SLC16A10: variants seen among roughly 807,000 people sequenced by gnomAD.
SLC16A10 encodes solute carrier family 16 member 10.
Under a neutral mutation model 40.0 loss-of-function variants are expected in SLC16A10, and 27 were observed. The ratio of observed to expected loss-of-function variants is 0.67; its 90% CI spans 0.50 to 0.93. SLC16A10 has a LOEUF of 0.93. SLC16A10 is among the 40% of genes least tolerant of loss of function. SLC16A10 has a pLI of 0.00. For synonymous variants in SLC16A10, 213 were observed against 249.8 expected, an observed-to-expected ratio of 0.85 and a Z score of 1.39; for missense variants, 529 against 658.2, an observed-to-expected ratio of 0.80 and a Z score of 2.15.
chr6:111,206,681 G>A lies in SLC16A10; in HGVS notation c.1032G>A (p.Leu344=). The A allele has an allele frequency of 1.2e-6, 2 of 1,614,208 alleles. No individual in the cohort carries two copies. Among genetic ancestry groups the A allele is most frequent in the South Asian group, 2.2e-5 (2 of 91,076 alleles). The change falls in exon 4 of 6, where the codon CTG becomes CTA. Residue 344 remains leucine (L), a synonymous_variant. Coordinates refer to ENST00000368851, the MANE Select transcript of SLC16A10 (RefSeq NM_018593.5). ...CIGVTSGVGR[L]LFGRIADYVP... ...GCGTCACTTCAGGAGTTGGACGACTGCTCTTTGGCCGGATTGCAGATTATG... is the reference window on the plus strand; with the variant it reads ...GCGTCACTTCAGGAGTTGGACGACTACTCTTTGGCCGGATTGCAGATTATG...
At chr6:111,182,695 T>C (rs943017491) in intron 3 of SLC16A10, among the ~76,000 whole-genome samples, 1 of 152,190 alleles carries the variant, frequency 6.6e-6, no homozygotes, top group African/African-American at 2.4e-5. Flanking sequence ...TGTCTAACCC[T>C]GAGGTCTTGA....
At position 111,113,473 on chromosome 6, in the gene SLC16A10, G is replaced by T. The variant is rs181834653; in HGVS notation, c.343+25378G>T. ...TATCAGGAGCTCTGGGGTTTTTTTTGTTGTTGTTTGTTTGTTTTGCCACTT... is the reference window on the plus strand; with the variant it reads ...TATCAGGAGCTCTGGGGTTTTTTTTTTTGTTGTTTGTTTGTTTTGCCACTT... On this transcript the variant is annotated intron_variant, in intron 1 of 5. Coordinates refer to ENST00000368851, the MANE Select transcript of SLC16A10 (RefSeq NM_018593.5). Among the ~76,000 whole-genome samples the T allele has an allele frequency of 2.5e-3, 384 of 152,160 alleles. 2 individuals carry two copies. Among genetic ancestry groups the T allele is most frequent in the African/African-American group, 8.6e-3 (359 of 41,528 alleles).
At chr6:111,140,911 A>G (rs1255899801) in intron 1 of SLC16A10, among the ~76,000 whole-genome samples, 1 of 152,076 alleles carries the variant, frequency 6.6e-6, no homozygotes, top group Non-Finnish European at 1.5e-5. Context: ...TCAGCCTCCC[A>G]AGTGGTTGGG....
chr6:111,165,237 C>A (rs766185203), intron 1 of SLC16A10, among the ~76,000 whole-genome samples: 12 of 152,238 alleles, frequency 7.9e-5, no homozygotes, highest in African/African-American at 2.6e-4. Context: ...GCTTTTAATT[C>A]TTTGGGTTTC....
In SLC16A10 at chr6:111,087,730, G is replaced by T. The variant is rs1770892295; in HGVS notation, c.-23G>T. On this transcript the variant is annotated 5_prime_UTR_variant, in exon 1 of 6. Coordinates refer to ENST00000368851, the MANE Select transcript of SLC16A10 (RefSeq NM_018593.5). The stretch of plus-strand genomic sequence containing the variant: ...CTCGCGTCCCTCGCGCTTCTCCGGC[G>T]CCTGAGGGGCCCGCCTCGGGCCATG... 2.5e-6 allele frequency: 3 copies of T among 1,190,524 alleles called. No homozygotes were observed. The highest frequency in any genetic ancestry group is 3.1e-6 in the Non-Finnish European group (3 of 957,640). The allele number at this position is 1,190,524 out of a possible 1,614,324, so 73.7% of individuals were successfully genotyped here. A position where few individuals can be genotyped will look rare whatever the true frequency, so the allele number is the denominator to read the frequency against.
intron 3 of SLC16A10, chr6:111,178,351 T>C (rs1772726635): frequency 3.8e-6 from 2 of 530,400 alleles, no homozygotes; most frequent in Non-Finnish European, 7.7e-6. Context: ...TTATAGGAAA[T>C]TAGGATTTCA....
intron 1 of SLC16A10, among the ~76,000 whole-genome samples, chr6:111,133,581 A>C (rs1771824158): frequency 6.6e-6 from 1 of 152,218 alleles, no homozygotes; most frequent in Non-Finnish European, 1.5e-5. Context: ...TCTTTTGTAG[A>C]AAAGAAGGCA....
At chr6:111,138,006 A>G (rs534267285) in intron 1 of SLC16A10, among the ~76,000 whole-genome samples, 1 of 152,336 alleles carries the variant, frequency 6.6e-6, no homozygotes, top group African/African-American at 2.4e-5. Flanking sequence ...GGCAACGGCT[A>G]CCCTCTTTGG....
At chr6:111,194,737 T>C (rs1212789509) in intron 3 of SLC16A10, among the ~76,000 whole-genome samples, 2 of 152,210 alleles carry the variant, frequency 1.3e-5, no homozygotes, top group East Asian at 3.8e-4. Flanking sequence ...ATATGCTCCT[T>C]ACTCCTCAGG....
At chr6:111,165,237 C>T (rs766185203) in intron 1 of SLC16A10, among the ~76,000 whole-genome samples, 1 of 152,120 alleles carries the variant, frequency 6.6e-6, no homozygotes, top group Non-Finnish European at 1.5e-5. Context: ...GCTTTTAATT[C>T]TTTGGGTTTC....
chr6:111,138,770 A>G (rs1042506901), intron 1 of SLC16A10, among the ~76,000 whole-genome samples: 3 of 151,818 alleles, frequency 2.0e-5, no homozygotes, highest in Non-Finnish European at 4.4e-5. Flanking sequence ...ACAGGCCTGC[A>G]CCACTGTGCC....
chr6:111,209,703 T>G (rs1177162607), intron 4 of SLC16A10, among the ~76,000 whole-genome samples: 3 of 151,910 alleles, frequency 2.0e-5, no homozygotes, highest in African/African-American at 7.3e-5. Flanking sequence ...AGTGGCCAGA[T>G]AGGCAGGGGG....
At chr6:111,202,483 G>A (rs903502656) in intron 3 of SLC16A10, among the ~76,000 whole-genome samples, 1 of 151,820 alleles carries the variant, frequency 6.6e-6, no homozygotes, top group African/African-American at 2.4e-5. Context: ...GTCTCAAGAA[G>A]AAAAAATGTT....
At chr6:111,125,767 A>G (rs1327500811) in intron 1 of SLC16A10, among the ~76,000 whole-genome samples, 1 of 152,188 alleles carries the variant, frequency 6.6e-6, no homozygotes, top group Admixed American at 6.5e-5. Flanking sequence ...GTATTTTTAT[A>G]TAAAGTAACA....
intron 1 of SLC16A10, among the ~76,000 whole-genome samples, chr6:111,125,547 C>T (rs1356981440): frequency 6.6e-6 from 1 of 152,090 alleles, no homozygotes; most frequent in Non-Finnish European, 1.5e-5. Flanking sequence ...CCTGAAATTC[C>T]CTTGCCTCTG....
chr6:111,111,804 T>C (rs1269637509), intron 1 of SLC16A10, among the ~76,000 whole-genome samples: 3 of 152,194 alleles, frequency 2.0e-5, no homozygotes, highest in Non-Finnish European at 4.4e-5. Flanking sequence ...TCACCATTTA[T>C]AAAGTGTACA....
chr6:111,191,503 A>C (rs556138949), intron 3 of SLC16A10, among the ~76,000 whole-genome samples: 14 of 152,362 alleles, frequency 9.2e-5, no homozygotes, highest in Middle Eastern at 6.8e-3. Context: ...TCTTTATAAT[A>C]GAATGATTTA....
At chr6:111,132,805 G>C (rs1771807785) in intron 1 of SLC16A10, among the ~76,000 whole-genome samples, 1 of 152,280 alleles carries the variant, frequency 6.6e-6, no homozygotes, top group South Asian at 2.1e-4. Context: ...TTCCTCCCAG[G>C]TAATTGAGGG....
chr6:111,147,817 T>C (rs1772105943), intron 1 of SLC16A10, among the ~76,000 whole-genome samples: 1 of 152,180 alleles, frequency 6.6e-6, no homozygotes, highest in African/African-American at 2.4e-5. Context: ...TGTACTTCTC[T>C]GGGGCCAGCA....
Sources: gnomAD v4.1 joint callset for allele counts (sites outside exome capture counted in the v4.1 genomes callset) on GRCh38, gnomAD v4.1.1 for gene constraint, MANE v1.5 for transcripts, NCBI Gene and HGNC (gene_info 2026-07-23, HGNC 2026-07-21) for gene names.